The following DIP2C variants were observed in gnomAD, a reference collection of about 807,000 sequenced individuals.
DIP2C encodes the protein disco-interacting protein 2 homolog C.
A neutral mutation model predicts 192.4 loss-of-function variants in DIP2C; 33 were observed. That is an observed-to-expected ratio of 0.17 (90% CI 0.13 to 0.23). The LOEUF (loss-of-function observed/expected upper bound fraction) is 0.23. DIP2C is among the 10% of genes least tolerant of loss of function. DIP2C has a pLI of 1.00. For missense variants in DIP2C, 1,537 were observed against 2,110.1 expected (o/e 0.73, Z 5.32); for synonymous variants, 979 against 864.1 (o/e 1.13, Z -2.33).
intron 9 of DIP2C, among the ~76,000 whole-genome samples, chr10:408,296 G>T (rs779684351): frequency 6.6e-6 from 1 of 150,998 alleles, no homozygotes; most frequent in African/African-American, 2.5e-5. Flanking sequence ...TTCCACTGGT[G>T]TATGTGTCTG....
chr10:467,565 T>TATA (rs1970320907), intron 3 of DIP2C, among the ~76,000 whole-genome samples: 1 of 130,410 alleles, frequency 7.7e-6, no homozygotes, highest in Admixed American at 7.7e-5. Flanking sequence ...TATTTAAGTG[T>TATA]AAAAAAAAAA....
intron 1 of DIP2C, among the ~76,000 whole-genome samples, chr10:510,082 G>A (rs748157824): frequency 9.9e-5 from 15 of 152,220 alleles, no homozygotes; most frequent in Non-Finnish European, 1.3e-4. Flanking sequence ...GACATCGAAC[G>A]GAGGGAGTTA....
At chr10:436,269 T>C (rs1564709780) in intron 4 of DIP2C, among the ~76,000 whole-genome samples, 2 of 152,228 alleles carry the variant, frequency 1.3e-5, no homozygotes, top group African/African-American at 2.4e-5. Flanking sequence ...TTGCACATTG[T>C]GGGTAACGTG....
At chr10:441,193 T>G in intron 3 of DIP2C, 197 bp from the exon 4 acceptor site, 1 of 614,866 alleles carries the variant, frequency 1.6e-6, no homozygotes, top group Non-Finnish European at 2.7e-6. Context: ...TAATCATTTA[T>G]TTTATTACCA....
chr10:414,747 A>ATATATATAATGTGTATATATATAATGTG (rs1965475046), intron 7 of DIP2C, among the ~76,000 whole-genome samples: 1 of 119,960 alleles, frequency 8.3e-6, no homozygotes. Context: ...GTGTACATAT[A>ATATATATAATGTGTATATATATAATGTG]TATATATATA....
chr10:338,942 C>A (rs1487711791), intron 29 of DIP2C, among the ~76,000 whole-genome samples: 1 of 150,448 alleles, frequency 6.6e-6, no homozygotes, highest in African/African-American at 2.5e-5. Flanking sequence ...CTGCCTGGCT[C>A]CCACAATGCA....
intron 1 of DIP2C, chr10:663,051 G>A (rs545857693): frequency 3.1e-6 from 2 of 636,828 alleles, no homozygotes; most frequent in South Asian, 1.9e-5. Flanking sequence ...CCCTGCTGGG[G>A]CAGATGGTGA....
chr10:561,709 T>A (rs1849227205), intron 1 of DIP2C, among the ~76,000 whole-genome samples: 1 of 152,068 alleles, frequency 6.6e-6, no homozygotes, highest in Non-Finnish European at 1.5e-5. Context: ...GCAACACAAC[T>A]CCTGGTCCCG....
At chr10:585,335 T>G (rs931555572) in intron 1 of DIP2C, among the ~76,000 whole-genome samples, 8 of 152,184 alleles carry the variant, frequency 5.3e-5, no homozygotes, top group Non-Finnish European at 4.4e-5. Flanking sequence ...GAGGCCTCTC[T>G]CCATTCCCTA....
Position 579,811 on chromosome 10 carries a change from TATA to T in DIP2C, c.86-93284_86-93282del, listed in dbSNP as rs559427800. Among the ~76,000 whole-genome samples the T allele has an allele frequency of 4.9e-3, 751 of 152,066 alleles. 8 individuals carry two copies. The highest frequency in any genetic ancestry group is 0.015 in the African/African-American group (618 of 41,432). On this transcript the variant is annotated intron_variant, in intron 1 of 36. Coordinates refer to ENST00000280886, the MANE Select transcript of DIP2C (RefSeq NM_014974.3). ...ATATAGCATATGTACATAGGTACAC[TATA>T]ATGTGTACATGCATAGCATGTACAC...
chr10:484,641 C>G (rs534804863), intron 2 of DIP2C: 205 of 1,220,922 alleles, frequency 1.7e-4, no homozygotes, highest in Non-Finnish European at 1.4e-5. Context: ...GCCTGTGGAG[C>G]GACCTGGCTC....
chr10:346,611 G>A (rs61836766), intron 26 of DIP2C, among the ~76,000 whole-genome samples: 7,484 of 87,654 alleles, frequency 0.085, 758 homozygotes, highest in Non-Finnish European at 0.16. Context: ...GACACACCGC[G>A]CATAGTTCTC....
chr10:427,710 T>C (rs1426715282), intron 4 of DIP2C, among the ~76,000 whole-genome samples: 1 of 152,234 alleles, frequency 6.6e-6, no homozygotes, highest in African/African-American at 2.4e-5. Context: ...TACACAATGA[T>C]ATACCATTTC....
At chr10:341,032 G>A (rs1321029047) in intron 29 of DIP2C, 167 bp downstream of exon 29, 14 of 982,686 alleles carry the variant, frequency 1.4e-5, no homozygotes, top group East Asian at 4.8e-5. Flanking sequence ...TGCTTTCCCC[G>A]AGAGCCAAGT....
At chr10:474,027 T>TC (rs1270883119) in intron 2 of DIP2C, among the ~76,000 whole-genome samples, 10 of 152,222 alleles carry the variant, frequency 6.6e-5, no homozygotes, top group Admixed American at 5.9e-4. Context: ...CACCATCAGT[T>TC]CCTGAGGACT....
chr10:602,304 C>G (rs937923708), intron 1 of DIP2C, among the ~76,000 whole-genome samples: 2 of 152,234 alleles, frequency 1.3e-5, no homozygotes, highest in African/African-American at 4.8e-5. Flanking sequence ...CTGTGTCTTC[C>G]TCTTGCAGCA....
intron 1 of DIP2C, chr10:665,493 G>A (rs894040210): frequency 1.3e-5 from 2 of 152,112 alleles, no homozygotes; most frequent in Admixed American, 1.3e-4. Context: ...CTTCACATAA[G>A]AAACACTAAA....
chr10:613,444 C>G (rs919598287), intron 1 of DIP2C, among the ~76,000 whole-genome samples: 3 of 152,218 alleles, frequency 2.0e-5, no homozygotes, highest in African/African-American at 7.2e-5. Flanking sequence ...GGACACAAGC[C>G]CACTAAGGAA....
intron 7 of DIP2C, 52 bp from the exon 8 acceptor site, chr10:414,162 T>G (rs752964294): frequency 6.5e-7 from 1 of 1,543,176 alleles, no homozygotes; most frequent in Non-Finnish European, 8.8e-7. Context: ...CACATTAGCA[T>G]GGCTACTTTT....
Sources: allele counts gnomAD v4.1 joint callset (sites outside exome capture counted in the v4.1 genomes callset), GRCh38; gene constraint gnomAD v4.1.1; transcripts MANE v1.5; gene names NCBI Gene and HGNC (gene_info 2026-07-23, HGNC 2026-07-21).